The following CDH12 variants were observed in gnomAD, a reference collection of about 807,000 sequenced individuals.
CDH12 encodes cadherin-12.
CDH12 carries 41 observed loss-of-function variants against 74.1 expected under a neutral mutation model. The observed-to-expected ratio is 0.55, with a 90% CI of 0.43 to 0.72. The LOEUF (loss-of-function observed/expected upper bound fraction) is 0.72. Among genes scored for constraint, CDH12 ranks in the 30% least tolerant of loss-of-function variants. CDH12 has a pLI of 0.00. For synonymous variants in CDH12, 399 were observed against 355.0 expected (o/e 1.12, Z -1.39); for missense variants, 945 against 977.2 (o/e 0.97, Z 0.44).
At chr5:22,014,749 G>T (rs1737504417) in intron 5 of CDH12, among the ~76,000 whole-genome samples, 1 of 152,108 alleles carries the variant, frequency 6.6e-6, no homozygotes. Flanking sequence ...AATTTATCTG[G>T]CCTATCTGCC....
At chr5:22,183,797 C>T (rs181473448) in intron 4 of CDH12, among the ~76,000 whole-genome samples, 3 of 152,168 alleles carry the variant, frequency 2.0e-5, no homozygotes, top group Admixed American at 6.5e-5. Context: ...GTTAAAAAAT[C>T]CCAGAAAGTC....
chr5:22,212,659 CA>C lies in CDH12; in HGVS notation c.-332-17del, dbSNP rs1256348946. On this transcript the variant is annotated splice_polypyrimidine_tract_variant and intron_variant, in intron 3 of 14. Transcript: ENST00000382254. ...TCCTCACTGTCTAAGGAGAGAAAAA[CA>C]TCAGCTGAAATCCTCCGAGGTTCCC... is the stretch of plus-strand genomic sequence containing the variant. The C allele has an allele frequency of 2.2e-6, 2 of 926,076 alleles. No individual in the cohort carries two copies. The highest frequency in any genetic ancestry group is 2.6e-6 in the Non-Finnish European group (2 of 778,280). 57.4% of individuals were successfully genotyped at this position (926,076 alleles called of 1,614,324 possible). A position where few individuals can be genotyped will look rare whatever the true frequency, so the allele number is the denominator to read the frequency against.
chr5:22,776,553 A>G (rs536653453), intron 1 of CDH12, among the ~76,000 whole-genome samples: 2 of 152,142 alleles, frequency 1.3e-5, no homozygotes, highest in South Asian at 4.1e-4. Context: ...CTGTGTAACA[A>G]CACTCTGAGA....
At chr5:22,611,237 CACACTTAAACTTTCCCCTCTTTCT>C (rs1306252360) in intron 1 of CDH12, among the ~76,000 whole-genome samples, 1 of 152,050 alleles carries the variant, frequency 6.6e-6, no homozygotes, top group Non-Finnish European at 1.5e-5. Flanking sequence ...CAATTTTATA[CACACTTAAACTTTCCCCTCTTTCT>C]ACACTTAAAC....
intron 2 of CDH12, among the ~76,000 whole-genome samples, chr5:22,481,975 G>A (rs1305711231): frequency 6.6e-6 from 1 of 152,128 alleles, no homozygotes; most frequent in African/African-American, 2.4e-5. Context: ...TTGTATTTTA[G>A]TATATCAATT....
In CDH12 at chr5:22,262,184, T is replaced by C. The variant is rs370102178; in HGVS notation, c.-332-49541A>G. On this transcript the variant is annotated intron_variant, in intron 3 of 14. Coordinates refer to ENST00000382254, the MANE Select transcript of CDH12 (RefSeq NM_004061.5). ...GCACATTGTGCAGGTTAGTTACATATGTATACATGTGCTGTACTGGTGCAC... is the reference window on the plus strand; with the variant it reads ...GCACATTGTGCAGGTTAGTTACATACGTATACATGTGCTGTACTGGTGCAC... 7.9e-5 allele frequency among the ~76,000 whole-genome samples: 12 copies of C among 151,810 alleles called. No individual in the cohort carries two copies. In the East Asian group the frequency reaches 1.8e-3, roughly 22 times the overall value.
At chr5:22,700,224 C>G (rs904239876) in intron 1 of CDH12, among the ~76,000 whole-genome samples, 2 of 152,098 alleles carry the variant, frequency 1.3e-5, no homozygotes, top group African/African-American at 4.8e-5. Flanking sequence ...TTAAAACTCT[C>G]CAAGAGATAC....
chr5:22,697,148 C>T (rs1035996218), intron 1 of CDH12, among the ~76,000 whole-genome samples: 9 of 152,112 alleles, frequency 5.9e-5, no homozygotes, highest in African/African-American at 2.2e-4. Context: ...TAGTCTTTTT[C>T]CCCTCCCATG....
intron 6 of CDH12, among the ~76,000 whole-genome samples, chr5:21,943,482 T>C (rs1488703975): frequency 1.3e-5 from 2 of 152,130 alleles, no homozygotes; most frequent in Non-Finnish European, 2.9e-5. Context: ...AAAAAAAATG[T>C]GAACTTCAAG....
chr5:22,825,822 T>A (rs1047672900), intron 1 of CDH12, among the ~76,000 whole-genome samples: 1 of 152,108 alleles, frequency 6.6e-6, no homozygotes, highest in Non-Finnish European at 1.5e-5. Context: ...AAAGACCAAA[T>A]ACTGGTGGCA....
At position 22,517,717 on chromosome 5, in the gene CDH12, C is replaced by T. The variant is rs77329957; in HGVS notation, c.-522-12353G>A. On this transcript the variant is annotated intron_variant, in intron 1 of 14. Coordinates refer to ENST00000382254, the MANE Select transcript of CDH12 (RefSeq NM_004061.5). ...TCAGACTACAGAATTTTTCAGCTTACGTTTATTTATTTTTTCCTAATCTAG... is the reference window on the plus strand; with the variant it reads ...TCAGACTACAGAATTTTTCAGCTTATGTTTATTTATTTTTTCCTAATCTAG... 7.2e-3 allele frequency among the ~76,000 whole-genome samples: 1,100 copies of T among 152,238 alleles called. 10 individuals are homozygous for T. The highest frequency in any genetic ancestry group is 0.026 in the African/African-American group (1,062 of 41,546).
At chr5:21,927,244 G>A (rs776221350) in intron 6 of CDH12, among the ~76,000 whole-genome samples, 1 of 152,138 alleles carries the variant, frequency 6.6e-6, no homozygotes, top group Non-Finnish European at 1.5e-5. Flanking sequence ...GATGGGTAAG[G>A]AGGAATAGAA....
intron 3 of CDH12, among the ~76,000 whole-genome samples, chr5:22,392,902 C>A (rs528302475): frequency 1.3e-5 from 2 of 152,218 alleles, no homozygotes; most frequent in African/African-American, 4.8e-5. Flanking sequence ...TTCTCAACCA[C>A]CCCTAGTCAT....
chr5:22,675,970 C>T (rs1208286823), intron 1 of CDH12, among the ~76,000 whole-genome samples: 1 of 145,220 alleles, frequency 6.9e-6, no homozygotes. Flanking sequence ...TTAGAAATAT[C>T]TTCAGATCCA....
intron 1 of CDH12, among the ~76,000 whole-genome samples, chr5:22,639,337 T>TA (rs1436009220): frequency 6.6e-6 from 1 of 151,854 alleles, no homozygotes; most frequent in Non-Finnish European, 1.5e-5. Context: ...TAGAGCTATA[T>TA]AAGCTAAGTC....
chr5:21,918,617 C>T (rs1304324536), intron 6 of CDH12, among the ~76,000 whole-genome samples: 1 of 151,986 alleles, frequency 6.6e-6, no homozygotes, highest in Non-Finnish European at 1.5e-5. Flanking sequence ...GACTACAAAA[C>T]CATCAGCTCT....
intron 1 of CDH12, among the ~76,000 whole-genome samples, chr5:22,585,004 A>G (rs896627682): frequency 6.6e-6 from 1 of 152,236 alleles, no homozygotes; most frequent in East Asian, 1.9e-4. Flanking sequence ...GCTAGCTTTC[A>G]GTTCAGTTAC....
chr5:22,497,832 G>A (rs271103), intron 2 of CDH12, among the ~76,000 whole-genome samples: 140,242 of 151,624 alleles, frequency 0.92, 64,982 homozygotes, highest in Admixed American at 0.97. Flanking sequence ...TAGTAGAGAC[G>A]GGGTTTCACC....
At chr5:22,678,271 C>A (rs1423319281) in intron 1 of CDH12, among the ~76,000 whole-genome samples, 1 of 152,042 alleles carries the variant, frequency 6.6e-6, no homozygotes, top group African/African-American at 2.4e-5. Context: ...TCTATACACA[C>A]AATTTTTCTT....
Sources: allele counts gnomAD v4.1 joint callset (sites outside exome capture counted in the v4.1 genomes callset), GRCh38; gene constraint gnomAD v4.1.1; transcripts MANE v1.5; gene names NCBI Gene and HGNC (gene_info 2026-07-23, HGNC 2026-07-21).